The following ARB2A variants were observed in gnomAD, a reference collection of about 807,000 sequenced individuals.
ARB2A encodes cotranscriptional regulator ARB2A.
the ARB2A span, chr5:93,734,024 T>C: frequency 1.3e-5 from 2 of 152,176 alleles, no homozygotes; most frequent in African/African-American, 4.8e-5. Context: ...AGTATATCTC[T>C]TTCAAAAAAA....
chr5:93,812,425 C>G, the ARB2A span, among the ~76,000 whole-genome samples: 1 of 152,234 alleles, frequency 6.6e-6, no homozygotes, highest in East Asian at 1.9e-4. Flanking sequence ...TGTCGGCAGA[C>G]AGGCTACTAG....
chr5:93,641,306 G>A, the ARB2A span, among the ~76,000 whole-genome samples: 2 of 151,906 alleles, frequency 1.3e-5, no homozygotes, highest in Non-Finnish European at 2.9e-5. Flanking sequence ...GAAAAGGATG[G>A]GAATTATTTC....
chr5:93,647,038 C>G, the ARB2A span, among the ~76,000 whole-genome samples: 3 of 152,104 alleles, frequency 2.0e-5, no homozygotes, highest in Non-Finnish European at 4.4e-5. Context: ...AAATATCATG[C>G]CCTTCAGTAG....
chr5:93,837,548 T>G, the ARB2A span, among the ~76,000 whole-genome samples: 17 of 152,002 alleles, frequency 1.1e-4, no homozygotes, highest in African/African-American at 3.9e-4. Flanking sequence ...CAATTCTGAG[T>G]TTTTTTGAAA....
chr5:94,023,886 A>G, the ARB2A span, among the ~76,000 whole-genome samples: 2 of 152,328 alleles, frequency 1.3e-5, no homozygotes, highest in Admixed American at 1.3e-4. Context: ...CTGTCGTGCC[A>G]TAGTGTGCTG....
At chr5:93,717,602 C>T in the ARB2A span, among the ~76,000 whole-genome samples, 1 of 151,894 alleles carries the variant, frequency 6.6e-6, no homozygotes, top group South Asian at 2.1e-4. Flanking sequence ...TTCTAATAAC[C>T]AGAGGTAAAT....
the ARB2A span, among the ~76,000 whole-genome samples, chr5:93,985,476 C>T: frequency 2.0e-5 from 3 of 150,934 alleles, no homozygotes; most frequent in East Asian, 5.9e-4. Flanking sequence ...CCTCTATTAC[C>T]GAGGCTGGAC....
At chr5:93,856,685 A>G in the ARB2A span, among the ~76,000 whole-genome samples, 2 of 152,080 alleles carry the variant, frequency 1.3e-5, no homozygotes, top group African/African-American at 4.8e-5. Flanking sequence ...ACATTCAGCT[A>G]AATTTTTTTC....
the ARB2A span, among the ~76,000 whole-genome samples, chr5:93,953,980 A>G: frequency 6.6e-6 from 1 of 152,048 alleles, no homozygotes. Context: ...TCTTCAGTCC[A>G]CTTGTAAATG....
At chr5:94,099,515 T>C in the ARB2A span, among the ~76,000 whole-genome samples, 3 of 148,714 alleles carry the variant, frequency 2.0e-5, no homozygotes, top group African/African-American at 7.5e-5. Context: ...TCCCAGCTAC[T>C]CGGGATGCTG....
the ARB2A span, among the ~76,000 whole-genome samples, chr5:93,922,155 C>T: frequency 6.6e-6 from 1 of 152,064 alleles, no homozygotes; most frequent in Non-Finnish European, 1.5e-5. Context: ...ACAGAAAAAG[C>T]CATGAAAGCC....
chr5:93,691,216 TAAC>T, the ARB2A span, among the ~76,000 whole-genome samples: 2 of 151,852 alleles, frequency 1.3e-5, no homozygotes, highest in Non-Finnish European at 2.9e-5. Context: ...AGATGGATAA[TAAC>T]AAACTCCTCT....
the ARB2A span, among the ~76,000 whole-genome samples, chr5:93,679,718 T>C: frequency 6.6e-6 from 1 of 152,140 alleles, no homozygotes; most frequent in Non-Finnish European, 1.5e-5. Context: ...AAAAATGTGA[T>C]ATTGCATGAT....
At chr5:93,665,436 T>C in the ARB2A span, among the ~76,000 whole-genome samples, 1 of 152,160 alleles carries the variant, frequency 6.6e-6, no homozygotes, top group Non-Finnish European at 1.5e-5. Context: ...ACTAAGATAG[T>C]ACCCAGGGTT....
At chr5:93,774,702 G>A in the ARB2A span, among the ~76,000 whole-genome samples, 1 of 152,208 alleles carries the variant, frequency 6.6e-6, no homozygotes, top group Non-Finnish European at 1.5e-5. Flanking sequence ...CAAGAAGGCT[G>A]TGATATGCCT....
At chr5:93,815,159 C>A in the ARB2A span, among the ~76,000 whole-genome samples, 1 of 152,176 alleles carries the variant, frequency 6.6e-6, no homozygotes, top group Non-Finnish European at 1.5e-5. Context: ...CACTTTCAAT[C>A]CACAAAGTCA....
At chr5:93,741,570 A>G in the ARB2A span, 1 of 1,529,028 alleles carries the variant, frequency 6.5e-7, no homozygotes, top group Non-Finnish European at 8.8e-7. Flanking sequence ...CCATGGGTGG[A>G]ATGGCACCCG....
At chr5:93,677,539 T>C in the ARB2A span, among the ~76,000 whole-genome samples, 1 of 152,252 alleles carries the variant, frequency 6.6e-6, no homozygotes, top group Middle Eastern at 3.4e-3. Context: ...CCCACTAAGA[T>C]CAAATTACAA....
At chr5:93,696,207 GA>G in the ARB2A span, among the ~76,000 whole-genome samples, 10 of 152,048 alleles carry the variant, frequency 6.6e-5, no homozygotes, top group Admixed American at 2.6e-4. Flanking sequence ...CAAACACAAT[GA>G]CAGCCTGTTC....
Sources: gnomAD v4.1 joint callset for allele counts (sites outside exome capture counted in the v4.1 genomes callset) on GRCh38, gnomAD v4.1.1 for gene constraint, MANE v1.5 for transcripts, NCBI Gene and HGNC (gene_info 2026-07-23, HGNC 2026-07-21) for gene names.